The following NLRP2 variants were observed in gnomAD, a reference collection of about 807,000 sequenced individuals.
NLRP2 encodes NACHT, LRR and PYD domains-containing protein 2.
NLRP2 carries 107 observed loss-of-function variants against 97.2 expected under a neutral mutation model. The observed-to-expected ratio is 1.10, with a 90% CI of 0.94 to 1.29. NLRP2 has a LOEUF of 1.29. Among genes scored for constraint, NLRP2 ranks in the 50% most tolerant of loss-of-function variants. The pLI is 0.00. For missense variants in NLRP2, 1,495 were observed against 1,330.3 expected (o/e 1.12, Z -1.93); for synonymous variants, 663 against 551.5 (o/e 1.20, Z -2.83).
rs569206445 is a variant in NLRP2 at position 54,968,891 on chromosome 19, C to T, written c.-17-1108C>T. On this transcript the variant is annotated intron_variant, in intron 1 of 12. Coordinates refer to ENST00000448584, the MANE Select transcript of NLRP2 (RefSeq NM_017852.5). ...TAATTTTTTGTATTTTTAGTAGAGA[C>T]GGGGTTTCACTGTGTTAGCCAGGAT... Among the ~76,000 whole-genome samples the T allele has an allele frequency of 8.6e-5, 13 of 151,646 alleles. No individual in the cohort carries two copies. In the South Asian group the frequency reaches 2.1e-3, roughly 24 times the overall value.
At chr19:54,970,665 AAAG>A (rs1200947057) in intron 2 of NLRP2, among the ~76,000 whole-genome samples, 2 of 151,832 alleles carry the variant, frequency 1.3e-5, no homozygotes, top group African/African-American at 4.8e-5. Flanking sequence ...TCAAAAAAAA[AAAG>A]AAATGGCATT....
chr19:54,983,781 C>A (rs1408190950), intron 6 of NLRP2, 53 bp downstream of exon 6: 10 of 1,598,912 alleles, frequency 6.3e-6, no homozygotes, highest in African/African-American at 5.3e-5. Flanking sequence ...CATCCCATGC[C>A]CCCTTAGGAA....
chr19:54,990,737 G>C (rs774045806), intron 10 of NLRP2, 65 bp downstream of exon 10: 4 of 1,546,630 alleles, frequency 2.6e-6, no homozygotes, highest in Non-Finnish European at 2.7e-6. Context: ...CTCCGGGTTT[G>C]AGTAGGGTGG....
chr19:54,984,485 C>T (rs1467231705), intron 6 of NLRP2, among the ~76,000 whole-genome samples: 72 of 76,898 alleles, frequency 9.4e-4, no homozygotes, highest in Middle Eastern at 7.0e-3. Flanking sequence ...TATTCCCAAT[C>T]TTTTTTTTTT....
Position 54,982,440 on chromosome 19 carries a change from A to G in NLRP2, c.742A>G (p.Arg248Gly). 6.2e-7 allele frequency: 1 copy of G among 1,614,182 alleles called. No homozygotes were observed. Among genetic ancestry groups the G allele is most frequent in the Non-Finnish European group, 8.5e-7 (1 of 1,180,028 alleles). Reference sequence around the variant, plus strand: ...CAAATATGCGTTCTACCTCAGCTGCAGGGAGCTCAGCCGCCTGGGCCCGTG... The same window carrying G: ...CAAATATGCGTTCTACCTCAGCTGCGGGGAGCTCAGCCGCCTGGGCCCGTG... ...KFKYAFYLSC[R>G]ELSRLGPCSF... Residue 248 changes from arginine (R) to glycine (G), a missense_variant, in exon 6 of 13, where the codon AGG becomes GGG. By Grantham distance (125) the Arg-to-Gly change is moderately radical (BLOSUM62 -2). Transcript: ENST00000448584.
chr19:54,989,397 G>A (rs12974252), intron 8 of NLRP2, among the ~76,000 whole-genome samples: 37,086 of 151,730 alleles, frequency 0.24, 5,053 homozygotes, highest in Non-Finnish European at 0.31. Flanking sequence ...TCTTGAATCT[G>A]GGAGGCAGAG....
intron 11 of NLRP2, among the ~76,000 whole-genome samples, chr19:54,995,967 G>T (rs528140904): frequency 1.2e-4 from 18 of 148,994 alleles, no homozygotes; most frequent in African/African-American, 4.5e-4. Flanking sequence ...TTGAGCCTGG[G>T]AGGAAGAAGT....
intron 8 of NLRP2, 188 bp downstream of exon 8, chr19:54,986,503 A>AC (rs1282814584): frequency 4.6e-6 from 3 of 649,356 alleles, no homozygotes; most frequent in Non-Finnish European, 8.3e-6. Flanking sequence ...AACACCCTGG[A>AC]CAACCATACG....
intron 1 of NLRP2, among the ~76,000 whole-genome samples, chr19:54,967,518 G>A (rs2070535366): frequency 6.6e-6 from 1 of 152,038 alleles, no homozygotes; most frequent in South Asian, 2.1e-4. Flanking sequence ...GGTTCTGACT[G>A]GGGAAAGAGT....
chr19:54,979,700 T>C (rs948261044), intron 4 of NLRP2, among the ~76,000 whole-genome samples: 19 of 152,084 alleles, frequency 1.2e-4, no homozygotes, highest in African/African-American at 4.1e-4. Context: ...CTCTGTATAA[T>C]AGAGGTGAGT....
Position 54,983,086 on chromosome 19 carries a change from C to T in NLRP2, c.1388C>T (p.Ser463Phe), listed in dbSNP as rs564190416. The T allele has an allele frequency of 1.2e-6, 2 of 1,613,086 alleles. No homozygotes were observed. Among genetic ancestry groups the T allele is most frequent in the South Asian group, 2.2e-5 (2 of 91,034 alleles). Residue 463 changes from serine (S) to phenylalanine (F), a missense_variant, in exon 6 of 13, where the codon TCC becomes TTC. By Grantham distance (155) the Ser-to-Phe change is radical. Coordinates refer to ENST00000448584, the MANE Select transcript of NLRP2 (RefSeq NM_017852.5). ...LAAQGLWAQT[S>F]VLHREDLERL... ...GCGCAGGGCCTGTGGGCGCAGACGT[C>T]CGTGCTTCACCGAGAGGATCTGGAA...
At position 54,976,834 on chromosome 19, in the gene NLRP2, C is replaced by G. The variant is rs1465185508; in HGVS notation, c.326-918C>G. On this transcript the variant is annotated intron_variant, in intron 3 of 12. Transcript: ENST00000448584. ...TCTCTTTTTTTTTTTTTTTTTGATA[C>G]GGAGTCTCGCTTGCTCTTTTGCCAG... The G allele has an allele frequency of 8.1e-5, 7 of 86,016 alleles. No individual in the cohort carries two copies. The African/African-American group carries it at 1.7e-3, about 20-fold the overall frequency. The allele number at this position is 86,016 out of a possible 1,614,324, so 5.3% of individuals were successfully genotyped here.
At chr19:54,980,017 C>T (rs945288529) in intron 4 of NLRP2, among the ~76,000 whole-genome samples, 3 of 151,742 alleles carry the variant, frequency 2.0e-5, no homozygotes, top group African/African-American at 4.8e-5. Flanking sequence ...CCTCGTGATC[C>T]GTCCGCCTCA....
At chr19:54,998,724 C>T (rs1233214206) in intron 12 of NLRP2, among the ~76,000 whole-genome samples, 4 of 134,920 alleles carry the variant, frequency 3.0e-5, no homozygotes, top group Non-Finnish European at 6.2e-5. Flanking sequence ...GAGGGAAGGT[C>T]AGCAGATAAA....
At chr19:54,991,941 T>C (rs1421688425) in intron 10 of NLRP2, among the ~76,000 whole-genome samples, 1 of 150,462 alleles carries the variant, frequency 6.6e-6, no homozygotes, top group Admixed American at 6.6e-5. Flanking sequence ...TTTTTTTTTT[T>C]TAAGATGGAG....
In NLRP2 at chr19:54,976,374, CAG is replaced by C. The variant is rs906634083; in HGVS notation, c.326-1375_326-1374del. Reference sequence around the variant, plus strand: ...GGTCTCATGAAGACCTTTTTTGAGACAGAGTCTTGCTCTGTCACCCAGGCTGG... The same window carrying C: ...GGTCTCATGAAGACCTTTTTTGAGACAGTCTTGCTCTGTCACCCAGGCTGG... On this transcript the variant is annotated intron_variant, in intron 3 of 12. Transcript: ENST00000448584. 5.9e-5 allele frequency among the ~76,000 whole-genome samples: 9 copies of C among 151,746 alleles called. No individual in the cohort carries two copies. In the South Asian group the frequency reaches 6.2e-4, roughly 11 times the overall value.
chr19:54,987,128 AC>A (rs763390795), intron 8 of NLRP2, among the ~76,000 whole-genome samples: 8 of 138,656 alleles, frequency 5.8e-5, no homozygotes, highest in Non-Finnish European at 9.4e-5. Context: ...CAGGTGATCT[AC>A]CCCCCCACCC....
rs371772335 is a variant in NLRP2, at chr19:55,000,724, C to T, written c.3051-36C>T. The T allele has an allele frequency of 1.1e-5, 17 of 1,610,220 alleles. No homozygotes were observed. The African/African-American group carries it at 1.1e-4, about 10-fold the overall frequency. Reference sequence around the variant, plus strand: ...GAATTTGAAACAAATCTCCTTGATGCACAAAGTAACCTTTTCTTCCCCCAT... The same window carrying T: ...GAATTTGAAACAAATCTCCTTGATGTACAAAGTAACCTTTTCTTCCCCCAT... On this transcript the variant is annotated intron_variant, in intron 12 of 12. Transcript: ENST00000448584.
intron 12 of NLRP2, 30 bp from the exon 13 acceptor site, chr19:55,000,730 G>A: frequency 6.2e-7 from 1 of 1,611,688 alleles, no homozygotes; most frequent in Non-Finnish European, 8.5e-7. Flanking sequence ...GATGCACAAA[G>A]TAACCTTTTC....
Sources: allele counts gnomAD v4.1 joint callset (sites outside exome capture counted in the v4.1 genomes callset), GRCh38; gene constraint gnomAD v4.1.1; transcripts MANE v1.5; gene names NCBI Gene and HGNC (gene_info 2026-07-23, HGNC 2026-07-21).